THOC1: variants seen among roughly 807,000 people sequenced by gnomAD.
THOC1 encodes THO complex subunit 1, also known as THO complex 1.
In THOC1, 29 loss-of-function variants were observed where a neutral mutation model predicts 97.3. The ratio of observed to expected loss-of-function variants is 0.30; its 90% CI spans 0.22 to 0.41. The LOEUF is 0.41. Ranked by LOEUF, THOC1 falls within the 10% of genes least tolerant of loss-of-function variation. THOC1 has a pLI of 1.00. For missense variants in THOC1, 529 were observed against 761.9 expected (o/e 0.69, Z 3.60); for synonymous variants, 255 against 257.0 (o/e 0.99, Z 0.07).
intron 15 of THOC1, 123 bp from the exon 16 acceptor site, chr18:224,302 G>C: frequency 1.3e-6 from 1 of 761,328 alleles, no homozygotes; most frequent in Non-Finnish European, 2.1e-6. Flanking sequence ...AAACTGGCTG[G>C]GCATGGTGGC....
chr18:243,097 T>C (rs1032298242), intron 11 of THOC1, among the ~76,000 whole-genome samples: 1 of 152,250 alleles, frequency 6.6e-6, no homozygotes, highest in Non-Finnish European at 1.5e-5. Context: ...AAACATTACA[T>C]GCCTCACATT....
chr18:236,795 T>G (rs1317581076), intron 11 of THOC1, among the ~76,000 whole-genome samples: 1 of 152,186 alleles, frequency 6.6e-6, no homozygotes, highest in East Asian at 1.9e-4. Flanking sequence ...GTTTTGCTCT[T>G]GAGCCCCAGT....
At chr18:246,890 T>A (rs1363674014) in intron 10 of THOC1, among the ~76,000 whole-genome samples, 1 of 113,816 alleles carries the variant, frequency 8.8e-6, no homozygotes, top group African/African-American at 3.5e-5. Flanking sequence ...GGCTGAAGAA[T>A]CCCTTGAACC....
At chr18:249,865 A>G (rs1912224472) in intron 9 of THOC1, among the ~76,000 whole-genome samples, 2 of 152,180 alleles carry the variant, frequency 1.3e-5, no homozygotes, top group African/African-American at 4.8e-5. Flanking sequence ...CTCAGTTACA[A>G]CATGTAAGAT....
intron 1 of THOC1, among the ~76,000 whole-genome samples, chr18:266,200 A>G (rs1483375070): frequency 1.3e-5 from 2 of 152,246 alleles, no homozygotes; most frequent in Non-Finnish European, 2.9e-5. Context: ...CATTCTATGA[A>G]CACTCACATA....
intron 9 of THOC1, among the ~76,000 whole-genome samples, chr18:250,479 G>A (rs1035409224): frequency 1.3e-5 from 2 of 152,120 alleles, no homozygotes; most frequent in African/African-American, 4.8e-5. Context: ...AAAATAGAAT[G>A]TCTTGTAACT....
At chr18:264,557 C>T (rs1912704346) in intron 3 of THOC1, among the ~76,000 whole-genome samples, 1 of 152,172 alleles carries the variant, frequency 6.6e-6, no homozygotes, top group South Asian at 2.1e-4. Context: ...CTGTTTTACA[C>T]ACAACAACAC....
At position 259,694 on chromosome 18, in the gene THOC1, G is replaced by C; in HGVS notation, c.412C>G (p.Arg138Gly). Residue 138 changes from arginine to glycine, a missense_variant, in exon 6 of 21, where the codon CGT (arginine) becomes GGT (glycine). Around this residue, in one of 8 missense-constraint regions of THOC1, gnomAD observed 49 missense variants for 91.7 expected, o/e 0.53. Transcript: ENST00000261600. ...FYSAGKNYLL[R>G]MCNDLLRRLS... The stretch of plus-strand genomic sequence containing the variant: ...CTCAATTACTTACCATTGCACATAC[G>C]TAGTAAGTAATTTTTCCCAGCAGAA... The C allele has an allele frequency of 1.3e-6, 2 of 1,549,142 alleles. No homozygotes were observed. The highest frequency in any genetic ancestry group is 1.7e-6 in the Non-Finnish European group (2 of 1,146,120).
chr18:246,715 G>A (rs1046549584), intron 10 of THOC1, among the ~76,000 whole-genome samples: 2 of 151,924 alleles, frequency 1.3e-5, no homozygotes, highest in Admixed American at 1.3e-4. Context: ...GGTGGCTCAC[G>A]CCTGTAATCC....
At chr18:232,604 G>A (rs1911524743) in intron 11 of THOC1, among the ~76,000 whole-genome samples, 1 of 151,718 alleles carries the variant, frequency 6.6e-6, no homozygotes, top group African/African-American at 2.4e-5. Context: ...ATTTCCTTGT[G>A]TATGTGGGTC....
intron 18 of THOC1, among the ~76,000 whole-genome samples, chr18:217,205 CTTATAAATAAGCATATG>C (rs934430102): frequency 2.0e-5 from 3 of 152,208 alleles, no homozygotes; most frequent in African/African-American, 7.2e-5. Context: ...TTGGTCACCT[CTTATAAATAAGCATATG>C]TTACCTTTAG....
chr18:246,541 T>TCCCAGTCAA, intron 10 of THOC1, 86 bp from the exon 11 acceptor site: 1 of 1,146,112 alleles, frequency 8.7e-7, no homozygotes, highest in Non-Finnish European at 1.3e-6. Flanking sequence ...TAGAATTTAC[T>TCCCAGTCAA]CCCAGTCAAT....
At chr18:214,959 A>G (rs489947) in intron 20 of THOC1, 38 bp from the exon 21 acceptor site, 350,176 of 1,594,654 alleles carry the variant, frequency 0.22, 40,262 homozygotes, top group Non-Finnish European at 0.24. Context: ...GCGCAATTCT[A>G]AGTATACAAC....
At chr18:263,901 A>T in intron 4 of THOC1, 125 bp downstream of exon 4, 1 of 687,978 alleles carries the variant, frequency 1.5e-6, no homozygotes, top group South Asian at 2.1e-5. Context: ...CAAAGTTGGG[A>T]GTCAGGCAGA....
intron 11 of THOC1, among the ~76,000 whole-genome samples, chr18:227,289 G>A (rs965018894): frequency 2.0e-5 from 3 of 152,018 alleles, no homozygotes; most frequent in African/African-American, 7.2e-5. Context: ...AGATCAGTCT[G>A]AGCAACATAG....
At chr18:239,533 T>G (rs570045337) in intron 11 of THOC1, among the ~76,000 whole-genome samples, 3 of 152,314 alleles carry the variant, frequency 2.0e-5, no homozygotes, top group Admixed American at 2.0e-4. Context: ...CTCAAACACC[T>G]GACCTCAAGT....
rs751146132 is a variant in THOC1 at position 214,761 on chromosome 18, A to G, written c.1839T>C (p.Ala613=). ...CTTGCCAGGCAACCAGGAGCTGCTT[A>G]GCTCTCATCTTCATGTCTTCACTGT... is the stretch of plus-strand genomic sequence containing the variant. ...ECDSEDMKMR[A]KQLLVAWQDQ... Residue 613 remains alanine, a synonymous_variant, in exon 21 of 21, where the codon GCT becomes GCC. Transcript: ENST00000261600. 1 of 1,613,964 alleles carries G rather than the reference A, an allele frequency of 6.2e-7. No homozygotes were observed. The highest frequency in any genetic ancestry group is 1.7e-5 in the Admixed American group (1 of 60,020).
rs1461668114 is a variant in THOC1 at position 214,680 on chromosome 18, A to T, written c.1920T>A (p.Ser640=). ...PENLINALNK[S]GLSDLAESLT... ...GACTTTCTGCAAGGTCACTTAATCC[A>T]GACTTATTCAGTGCATTAATCAGAT... The change falls in exon 21 of 21, where the codon TCT becomes TCA. Residue 640 remains serine (S), a synonymous_variant. Transcript: ENST00000261600. 2 of 1,613,956 alleles carry T rather than the reference A, an allele frequency of 1.2e-6. No homozygotes were observed. Among genetic ancestry groups the T allele is most frequent in the South Asian group, 2.2e-5 (2 of 91,074 alleles).
chr18:246,215 G>T, intron 11 of THOC1, 109 bp downstream of exon 11: 1 of 927,396 alleles, frequency 1.1e-6, no homozygotes, highest in Non-Finnish European at 1.6e-6. Flanking sequence ...TTAACCCAAA[G>T]TAAAATAAGA....
Sources: allele counts gnomAD v4.1 joint callset (sites outside exome capture counted in the v4.1 genomes callset), GRCh38; gene constraint gnomAD v4.1.1; regional missense constraint gnomAD v4.1.1; transcripts MANE v1.5; gene names NCBI Gene and HGNC (gene_info 2026-07-23, HGNC 2026-07-21).